LHFPL3: variants seen among roughly 807,000 people sequenced by gnomAD.
LHFPL3 encodes the protein LHFPL tetraspan subfamily member 3 protein.
In LHFPL3, 5 loss-of-function variants were observed where a neutral mutation model predicts 19.3. The ratio of observed to expected loss-of-function variants is 0.26; its 90% CI spans 0.14 to 0.54. The LOEUF (loss-of-function observed/expected upper bound fraction) is 0.54, where lower values mean the gene tolerates loss of function less well. LHFPL3 is among the 20% of genes least tolerant of loss of function. The pLI is 0.94. For missense variants in LHFPL3, 249 were observed against 307.4 expected (o/e 0.81, Z 1.42); for synonymous variants, 133 against 126.2 (o/e 1.05, Z -0.36).
intron 1 of LHFPL3, among the ~76,000 whole-genome samples, chr7:104,474,800 T>G (rs532172711): frequency 1.3e-5 from 2 of 152,008 alleles, no homozygotes; most frequent in African/African-American, 4.8e-5. Context: ...GAAGAAGGTG[T>G]TATGAAGAGG....
chr7:104,332,474 G>A (rs542602204), intron 1 of LHFPL3, among the ~76,000 whole-genome samples: 4 of 151,826 alleles, frequency 2.6e-5, no homozygotes, highest in South Asian at 2.1e-4. Flanking sequence ...CAAGCAATCC[G>A]ACTGCCATGG....
chr7:104,610,702 G>C (rs1791197139), intron 1 of LHFPL3, among the ~76,000 whole-genome samples: 1 of 152,106 alleles, frequency 6.6e-6, no homozygotes, highest in African/African-American at 2.4e-5. Flanking sequence ...GATTTGGTGA[G>C]GTCCACCCCA....
intron 2 of LHFPL3, among the ~76,000 whole-genome samples, chr7:104,784,196 C>T (rs1274108166): frequency 1.3e-5 from 2 of 152,174 alleles, no homozygotes; most frequent in South Asian, 2.1e-4. Flanking sequence ...TTACAAAATA[C>T]TCTCCAAATT....
chr7:104,897,234 T>C (rs1173481739), intron 2 of LHFPL3, among the ~76,000 whole-genome samples: 1 of 152,216 alleles, frequency 6.6e-6, no homozygotes, highest in Non-Finnish European at 1.5e-5. Context: ...CAGCTGGTGA[T>C]GTATTGCACA....
At chr7:104,366,538 T>G (rs1367244900) in intron 1 of LHFPL3, among the ~76,000 whole-genome samples, 1 of 152,218 alleles carries the variant, frequency 6.6e-6, no homozygotes, top group Non-Finnish European at 1.5e-5. Context: ...TCTTGTCTAA[T>G]GCAGAGGAGG....
intron 1 of LHFPL3, among the ~76,000 whole-genome samples, chr7:104,397,717 A>C (rs181759368): frequency 6.6e-6 from 1 of 152,200 alleles, no homozygotes; most frequent in Admixed American, 6.5e-5. Context: ...ACTACATGAA[A>C]GGCAGAAGGA....
chr7:104,474,074 G>C (rs578124867), intron 1 of LHFPL3, among the ~76,000 whole-genome samples: 64 of 152,270 alleles, frequency 4.2e-4, no homozygotes, highest in African/African-American at 1.5e-3. Flanking sequence ...AATGTCCCAA[G>C]CTAGGGGACA....
At chr7:104,477,892 A>T (rs981980901) in intron 1 of LHFPL3, among the ~76,000 whole-genome samples, 3 of 152,174 alleles carry the variant, frequency 2.0e-5, no homozygotes, top group African/African-American at 7.2e-5. Context: ...CCAGATGGGG[A>T]GGGAGGGGGA....
chr7:104,508,482 A>C (rs1793744728), intron 1 of LHFPL3, among the ~76,000 whole-genome samples: 1 of 126,782 alleles, frequency 7.9e-6, no homozygotes, highest in Non-Finnish European at 1.6e-5. Flanking sequence ...GGGGGGAGGG[A>C]TAGCATTGGG....
chr7:104,555,117 C>G (rs1184355512), intron 1 of LHFPL3, among the ~76,000 whole-genome samples: 1 of 152,198 alleles, frequency 6.6e-6, no homozygotes, highest in African/African-American at 2.4e-5. Context: ...TAGAAACACC[C>G]TCACAGACAC....
intron 1 of LHFPL3, among the ~76,000 whole-genome samples, chr7:104,697,361 T>C (rs376982628): frequency 4.6e-5 from 7 of 152,356 alleles, no homozygotes; most frequent in African/African-American, 1.7e-4. Context: ...TATGAGAACC[T>C]GCAATCTATT....
At chr7:104,698,185 T>C (rs1018131502) in intron 1 of LHFPL3, among the ~76,000 whole-genome samples, 8 of 152,200 alleles carry the variant, frequency 5.3e-5, no homozygotes, top group African/African-American at 1.9e-4. Context: ...TTTTCTGCCA[T>C]CCTATTGCAT....
chr7:104,754,142 A>G lies in LHFPL3; in HGVS notation c.682+17231A>G, dbSNP rs4730041. Among the ~76,000 whole-genome samples, 856 of 152,314 alleles carry G rather than the reference A, an allele frequency of 5.6e-3. 28 individuals are homozygous for G. The East Asian group carries it at 0.061, about 11-fold the overall frequency. On this transcript the variant is annotated intron_variant, in intron 2 of 2. Coordinates refer to ENST00000424859, the MANE Select transcript of LHFPL3 (RefSeq NM_199000.3). ...AAAGAATTTGGGATGAGTAGAAACC[A>G]TGGAGTACTAGGTAGCAGGTAAGAG...
intron 1 of LHFPL3, among the ~76,000 whole-genome samples, chr7:104,577,823 A>G (rs1790369132): frequency 6.6e-6 from 1 of 152,188 alleles, no homozygotes; most frequent in African/African-American, 2.4e-5. Context: ...CCCAGTGCCC[A>G]TTCTGGCCCA....
At chr7:104,853,336 A>C (rs182750922) in intron 2 of LHFPL3, among the ~76,000 whole-genome samples, 1 of 152,182 alleles carries the variant, frequency 6.6e-6, no homozygotes, top group Non-Finnish European at 1.5e-5. Flanking sequence ...ACAGGCTGTG[A>C]GGATCCTAAG....
intron 1 of LHFPL3, among the ~76,000 whole-genome samples, chr7:104,465,394 C>T (rs994513509): frequency 1.1e-4 from 16 of 152,152 alleles, no homozygotes; most frequent in East Asian, 7.7e-4. Context: ...TCCACATTTT[C>T]GGGTATTTTT....
intron 1 of LHFPL3, among the ~76,000 whole-genome samples, chr7:104,383,280 G>GT (rs1790866362): frequency 6.6e-6 from 1 of 152,212 alleles, no homozygotes; most frequent in East Asian, 1.9e-4. Flanking sequence ...TTCAGATAGT[G>GT]TAAGTACAAA....
rs184741587 is a variant in LHFPL3, at chr7:104,583,252, A to G, written c.446-153423A>G. The stretch of plus-strand genomic sequence containing the variant: ...ATAAATGGTGCTGGGAAAACTGGCT[A>G]GCCACATGTAGAAAGCTGAAACTGG... On this transcript the variant is annotated intron_variant, in intron 1 of 2. Coordinates refer to ENST00000424859, the MANE Select transcript of LHFPL3 (RefSeq NM_199000.3). Among the ~76,000 whole-genome samples the G allele has an allele frequency of 1.1e-3, 172 of 152,122 alleles. 1 individual carries two copies. The highest frequency in any genetic ancestry group is 1.9e-3 in the Non-Finnish European group (130 of 67,990).
At chr7:104,334,499 A>C (rs1175852939) in intron 1 of LHFPL3, among the ~76,000 whole-genome samples, 1 of 152,250 alleles carries the variant, frequency 6.6e-6, no homozygotes, top group East Asian at 1.9e-4. Context: ...CTGAGCCGAG[A>C]TCATGCTACT....
Sources: gnomAD v4.1 joint callset for allele counts (sites outside exome capture counted in the v4.1 genomes callset) on GRCh38, gnomAD v4.1.1 for gene constraint, MANE v1.5 for transcripts, NCBI Gene and HGNC (gene_info 2026-07-23, HGNC 2026-07-21) for gene names.